SAMMSON: variants seen among roughly 807,000 people sequenced by gnomAD.
SAMMSON encodes survival associated mitochondrial melanoma specific oncogenic non-coding RNA.
At chr3:70,220,180 T>C (rs1297795870) in intron 4 of SAMMSON, among the ~76,000 whole-genome samples, 2 of 152,124 alleles carry the variant, frequency 1.3e-5, no homozygotes, top group East Asian at 3.9e-4. Context: ...AGAATAAGGT[T>C]ATATTCCATG....
At chr3:70,200,147 G>T (rs1007029505) in intron 4 of SAMMSON, among the ~76,000 whole-genome samples, 12 of 152,134 alleles carry the variant, frequency 7.9e-5, no homozygotes, top group African/African-American at 2.9e-4. Flanking sequence ...CTCACCACCT[G>T]CAGGGCCACC....
At chr3:70,313,844 C>T (rs1457754206) in intron 7 of SAMMSON, among the ~76,000 whole-genome samples, 1 of 152,030 alleles carries the variant, frequency 6.6e-6, no homozygotes, top group Admixed American at 6.6e-5. Flanking sequence ...TTTCAGATTC[C>T]TTAGATGGGT....
At chr3:70,418,232 G>A (rs920374901) in intron 2 of SAMMSON, among the ~76,000 whole-genome samples, 6 of 152,020 alleles carry the variant, frequency 3.9e-5, no homozygotes, top group South Asian at 2.1e-4. Flanking sequence ...CATAAGTAAC[G>A]TAATGTCTGT....
chr3:70,234,960 T>A (rs1233501715), intron 4 of SAMMSON, among the ~76,000 whole-genome samples: 1 of 152,190 alleles, frequency 6.6e-6, no homozygotes, highest in Non-Finnish European at 1.5e-5. Context: ...TGGAGTGCAG[T>A]CTGGGCATCA....
intron 7 of SAMMSON, among the ~76,000 whole-genome samples, chr3:70,336,182 T>C (rs556613841): frequency 1.2e-3 from 188 of 152,174 alleles, no homozygotes; most frequent in African/African-American, 4.3e-3. Context: ...CAGTAATATA[T>C]ATCATGGCTT....
chr3:70,247,704 T>A (rs1298471331), intron 4 of SAMMSON, among the ~76,000 whole-genome samples: 3 of 151,934 alleles, frequency 2.0e-5, no homozygotes, highest in Non-Finnish European at 4.4e-5. Context: ...TTCTACTGTA[T>A]ACATGCTATG....
intron 4 of SAMMSON, among the ~76,000 whole-genome samples, chr3:70,163,345 A>ATG (rs994886243): frequency 1.4e-5 from 2 of 147,308 alleles, no homozygotes; most frequent in African/African-American, 5.0e-5. Flanking sequence ...TATATAGAAT[A>ATG]TATATATATA....
chr3:70,050,581 TAGA>T (rs767259581), intron 3 of SAMMSON, among the ~76,000 whole-genome samples: 4 of 152,120 alleles, frequency 2.6e-5, no homozygotes, highest in Non-Finnish European at 4.4e-5. Context: ...CATAGGCAAT[TAGA>T]AGAAGTTAAA....
At chr3:70,181,437 T>C (rs1230710569) in intron 4 of SAMMSON, among the ~76,000 whole-genome samples, 1 of 152,188 alleles carries the variant, frequency 6.6e-6, no homozygotes, top group Admixed American at 6.5e-5. Flanking sequence ...CCTAATAATG[T>C]GTGGAAACTC....
intron 4 of SAMMSON, chr3:70,137,483 T>A (rs1331344021): frequency 6.6e-6 from 1 of 152,162 alleles, no homozygotes; most frequent in Non-Finnish European, 1.5e-5. Flanking sequence ...ATACAAAAAG[T>A]CTTATTGGGA....
intron 2 of SAMMSON, among the ~76,000 whole-genome samples, chr3:70,432,928 C>T (rs1016695363): frequency 6.6e-6 from 1 of 151,864 alleles, no homozygotes; most frequent in Non-Finnish European, 1.5e-5. Flanking sequence ...GTAGTTTTTT[C>T]AGATTGACTT....
chr3:70,236,051 TAATG>T (rs1482969655), intron 4 of SAMMSON, among the ~76,000 whole-genome samples: 1 of 152,180 alleles, frequency 6.6e-6, no homozygotes, highest in Non-Finnish European at 1.5e-5. Context: ...CTACTTCTCT[TAATG>T]AATAATCTTT....
intron 4 of SAMMSON, among the ~76,000 whole-genome samples, chr3:70,171,836 C>T (rs569459788): frequency 1.9e-4 from 29 of 151,998 alleles, no homozygotes; most frequent in African/African-American, 6.7e-4. Flanking sequence ...TCTCCCACCC[C>T]TGCCACATAT....
intron 7 of SAMMSON, among the ~76,000 whole-genome samples, chr3:70,329,847 A>G (rs1702608260): frequency 6.6e-6 from 1 of 152,038 alleles, no homozygotes; most frequent in Non-Finnish European, 1.5e-5. Flanking sequence ...TAATTGAATA[A>G]GCAGAAATAT....
At chr3:70,433,006 T>A (rs1701427216) in intron 2 of SAMMSON, among the ~76,000 whole-genome samples, 1 of 152,078 alleles carries the variant, frequency 6.6e-6, no homozygotes, top group Non-Finnish European at 1.5e-5. Flanking sequence ...TTATTTCCTT[T>A]TATTACTGAA....
intron 4 of SAMMSON, among the ~76,000 whole-genome samples, chr3:70,170,579 CT>C (rs538385626): frequency 0.25 from 26,524 of 105,476 alleles, 2,194 homozygotes; most frequent in East Asian, 0.47. Context: ...CTAGATTTTC[CT>C]TTTTTTTTTT....
intron 9 of SAMMSON, among the ~76,000 whole-genome samples, chr3:70,379,012 T>C (rs1411802700): frequency 6.6e-6 from 1 of 150,584 alleles, no homozygotes. Flanking sequence ...TATTTATTTA[T>C]TTATTTATTT....
At chr3:70,221,451 G>T (rs1244942910) in intron 4 of SAMMSON, among the ~76,000 whole-genome samples, 1 of 152,126 alleles carries the variant, frequency 6.6e-6, no homozygotes, top group Non-Finnish European at 1.5e-5. Flanking sequence ...GGAAGAATTT[G>T]AATTTGGGCA....
Position 70,052,022 on chromosome 3 carries a change from C to G in SAMMSON, n.418-19454C>G, listed in dbSNP as rs547109751. Among the ~76,000 whole-genome samples, 4 of 152,140 alleles carry G rather than the reference C, an allele frequency of 2.6e-5. No homozygotes were observed. In the South Asian group the frequency reaches 8.3e-4, roughly 32 times the overall value. ...CTGAGGTGAGAGGATCATTTGAGCCCTAGAGTTTGAGGCTGCAGTGAGCTG... is the reference window on the plus strand; with the variant it reads ...CTGAGGTGAGAGGATCATTTGAGCCGTAGAGTTTGAGGCTGCAGTGAGCTG... On this transcript the variant is annotated intron_variant and non_coding_transcript_variant, in intron 3 of 9. Transcript: ENST00000642114.
Sources: allele counts gnomAD v4.1 joint callset (sites outside exome capture counted in the v4.1 genomes callset), GRCh38; gene constraint gnomAD v4.1.1; transcripts MANE v1.5; gene names NCBI Gene and HGNC (gene_info 2026-07-23, HGNC 2026-07-21).